Variants in TASP1 observed in about 807,000 individuals in gnomAD.
TASP1 encodes taspase 1.
A neutral mutation model predicts 56.6 loss-of-function variants in TASP1; 16 were observed. That is an observed-to-expected ratio of 0.28 (90% confidence interval 0.19 to 0.43). The LOEUF is 0.43. TASP1 is among the 20% of genes least tolerant of loss of function. The pLI, the probability that TASP1 is intolerant of heterozygous loss-of-function variation, is 1.00. For synonymous variants in TASP1, 179 were observed against 184.2 expected, an observed-to-expected ratio of 0.97 and a Z score of 0.23; for missense variants, 393 against 511.6, an observed-to-expected ratio of 0.77 and a Z score of 2.24.
the TASP1 span, among the ~76,000 whole-genome samples, chr20:13,192,690 C>T: frequency 5.6e-4 from 85 of 152,026 alleles, no homozygotes; most frequent in Non-Finnish European, 7.6e-4. Context: ...CGCACCACCA[C>T]GCTTGATTCA....
At chr20:13,465,404 A>C (rs933043942) in intron 11 of TASP1, among the ~76,000 whole-genome samples, 2 of 152,086 alleles carry the variant, frequency 1.3e-5, no homozygotes, top group Non-Finnish European at 2.9e-5. Context: ...GACTCCGGAA[A>C]ACAACTCTGT....
chr20:13,347,523 G>A, the TASP1 span, among the ~76,000 whole-genome samples: 1 of 152,210 alleles, frequency 6.6e-6, no homozygotes, highest in Non-Finnish European at 1.5e-5. Flanking sequence ...CTGAGCCCCA[G>A]TTGCCTCAAT....
At chr20:13,268,139 CT>C in the TASP1 span, among the ~76,000 whole-genome samples, 1 of 150,394 alleles carries the variant, frequency 6.6e-6, no homozygotes, top group African/African-American at 2.5e-5. Context: ...CTCTTCTCTT[CT>C]CTTCTCTTCT....
chr20:13,291,171 G>T, the TASP1 span, among the ~76,000 whole-genome samples: 1 of 152,122 alleles, frequency 6.6e-6, no homozygotes, highest in Non-Finnish European at 1.5e-5. Flanking sequence ...TTCTGTCACC[G>T]CGGAGAGCAG....
At chr20:13,292,550 G>A in the TASP1 span, 47 of 816,252 alleles carry the variant, frequency 5.8e-5, no homozygotes, top group South Asian at 3.3e-4. Flanking sequence ...TTGGATCCAC[G>A]TAAATGTTTC....
intron 11 of TASP1, among the ~76,000 whole-genome samples, chr20:13,440,066 A>G (rs1301101011): frequency 1.3e-5 from 2 of 152,200 alleles, no homozygotes; most frequent in Non-Finnish European, 2.9e-5. Flanking sequence ...CATGGAAAGC[A>G]ATGGTATTAC....
chr20:13,606,477 C>T (rs1349099150), intron 4 of TASP1, among the ~76,000 whole-genome samples: 1 of 151,912 alleles, frequency 6.6e-6, no homozygotes, highest in Admixed American at 6.6e-5. Flanking sequence ...GTTTGTCTAC[C>T]CCTCCAAATA....
chr20:13,627,589 A>G (rs898207473), intron 2 of TASP1, among the ~76,000 whole-genome samples: 2 of 152,134 alleles, frequency 1.3e-5, no homozygotes, highest in African/African-American at 2.4e-5. Flanking sequence ...CATTTCTACT[A>G]AACATACAAA....
In TASP1 at chr20:13,521,496, C is replaced by T. The variant is rs1469668357; in HGVS notation, c.874+6937G>A. 4.6e-5 allele frequency among the ~76,000 whole-genome samples: 7 copies of T among 152,086 alleles called. No homozygotes were observed. The East Asian group carries it at 1.2e-3, about 25-fold the overall frequency. On this transcript the variant is annotated intron_variant, in intron 10 of 13. Transcript: ENST00000337743. ...TTAGGGACATGGATGAAGCTGGAAA[C>T]CATCATTCCATCATTCTCAGCAAAC... is the stretch of plus-strand genomic sequence containing the variant.
intron 12 of TASP1, among the ~76,000 whole-genome samples, chr20:13,422,673 G>A (rs2145140): frequency 0.064 from 9,661 of 152,140 alleles, 458 homozygotes; most frequent in African/African-American, 0.13. Context: ...ACTATGCTTG[G>A]CGCAATTTTA....
the TASP1 span, among the ~76,000 whole-genome samples, chr20:13,348,019 A>G: frequency 6.6e-6 from 1 of 152,156 alleles, no homozygotes; most frequent in Non-Finnish European, 1.5e-5. Flanking sequence ...CCCAGGAGAC[A>G]TTTGGCAATA....
chr20:13,260,102 T>C, the TASP1 span, among the ~76,000 whole-genome samples: 2 of 152,290 alleles, frequency 1.3e-5, no homozygotes, highest in East Asian at 3.9e-4. Flanking sequence ...ACCATTTCCC[T>C]AGAGAATAAC....
At chr20:13,251,793 G>C in the TASP1 span, among the ~76,000 whole-genome samples, 1 of 152,078 alleles carries the variant, frequency 6.6e-6, no homozygotes, top group Non-Finnish European at 1.5e-5. Flanking sequence ...TTTGCTTACC[G>C]TGTGACTTTT....
At chr20:13,422,445 A>T (rs780765999) in intron 12 of TASP1, among the ~76,000 whole-genome samples, 1 of 152,072 alleles carries the variant, frequency 6.6e-6, no homozygotes, top group Non-Finnish European at 1.5e-5. Flanking sequence ...CTGCATATAT[A>T]GATGTTACTT....
At chr20:13,446,206 T>A (rs748855067) in intron 11 of TASP1, among the ~76,000 whole-genome samples, 24 of 151,938 alleles carry the variant, frequency 1.6e-4, no homozygotes, top group African/African-American at 5.8e-4. Context: ...ACAAACAACA[T>A]AGGTACTGGA....
At chr20:13,450,358 C>CT (rs2043572643) in intron 11 of TASP1, among the ~76,000 whole-genome samples, 1 of 152,054 alleles carries the variant, frequency 6.6e-6, no homozygotes, top group Admixed American at 6.6e-5. Context: ...CATTAATTGA[C>CT]TTCCTTTCAT....
the TASP1 span, among the ~76,000 whole-genome samples, chr20:13,201,839 C>T: frequency 1.3e-4 from 19 of 151,618 alleles, no homozygotes; most frequent in African/African-American, 1.7e-4. Flanking sequence ...CTGCAACCTC[C>T]GCCTCCTGGG....
chr20:13,580,315 C>T (rs2047075137), intron 6 of TASP1, among the ~76,000 whole-genome samples: 1 of 152,042 alleles, frequency 6.6e-6, no homozygotes, highest in Non-Finnish European at 1.5e-5. Context: ...GGAACGGTGG[C>T]ACATGCATGT....
the TASP1 span, among the ~76,000 whole-genome samples, chr20:13,189,109 G>A: frequency 1.5e-4 from 23 of 152,276 alleles, no homozygotes; most frequent in South Asian, 2.9e-3. Context: ...CTGGGATTCT[G>A]GGGACTGCCA....
Sources: allele counts gnomAD v4.1 joint callset (sites outside exome capture counted in the v4.1 genomes callset), GRCh38; gene constraint gnomAD v4.1.1; transcripts MANE v1.5; gene names NCBI Gene and HGNC (gene_info 2026-07-23, HGNC 2026-07-21).